The following SEPTIN6 variants were observed in gnomAD, a reference collection of about 807,000 sequenced individuals.
SEPTIN6 encodes septin-6.
In SEPTIN6, 8 loss-of-function variants were observed where a neutral mutation model predicts 33.6. The observed-to-expected ratio is 0.24, with a 90% confidence interval of 0.14 to 0.43. SEPTIN6 has a LOEUF of 0.43. Ranked by LOEUF, SEPTIN6 falls within the 20% of genes least tolerant of loss-of-function variation. SEPTIN6 has a pLI of 1.00. For synonymous variants in SEPTIN6, 131 were observed against 140.0 expected, an observed-to-expected ratio of 0.94 and a Z score of 0.45; for missense variants, 250 against 340.8, an observed-to-expected ratio of 0.73 and a Z score of 2.10.
intron 1 of SEPTIN6, among the ~76,000 whole-genome samples, chrX:119,685,347 C>T (rs1361939452): frequency 2.7e-5 from 3 of 110,593 alleles, no homozygotes; most frequent in African/African-American, 6.6e-5. Context: ...ACCTTCCCTA[C>T]GACTCTCTCC....
rs975763579 is a variant in SEPTIN6, at chrX:119,618,055, C to A, written c.*2038G>T. 8.8e-5 allele frequency: 71 copies of A among 804,063 alleles called. No individual in the cohort carries two copies. In the African/African-American group the frequency reaches 1.5e-3, roughly 17 times the overall value. The allele number at this position is 804,063 out of a possible 1,213,427, so 66.3% of individuals were successfully genotyped here. A position where few individuals can be genotyped will look rare whatever the true frequency, so the allele number is the denominator to read the frequency against. ...AGCGTGAATTTCTGGGAAAGCAGCT[C>A]TGAAGCTGGACATAGAATCATCAAA... On this transcript the variant is annotated 3_prime_UTR_variant, in exon 11 of 11. Coordinates refer to ENST00000394610, the MANE Select transcript of SEPTIN6 (RefSeq NM_145799.4).
At chrX:119,642,036 G>A (rs2054165472) in intron 5 of SEPTIN6, among the ~76,000 whole-genome samples, 1 of 110,793 alleles carries the variant, frequency 9.0e-6, no homozygotes, top group African/African-American at 3.3e-5. Context: ...TGGCCCCGGA[G>A]AGTGCACAGT....
intron 3 of SEPTIN6, among the ~76,000 whole-genome samples, chrX:119,660,054 A>G (rs914994577): frequency 4.5e-5 from 5 of 109,932 alleles, no homozygotes; most frequent in African/African-American, 1.7e-4. Context: ...TTGTATTTTT[A>G]GTAGAGACGG....
At chrX:119,661,859 A>G (rs1366402987) in intron 3 of SEPTIN6, among the ~76,000 whole-genome samples, 1 of 111,857 alleles carries the variant, frequency 8.9e-6, no homozygotes, top group Non-Finnish European at 1.9e-5. Flanking sequence ...CGCCTCAGCC[A>G]CCTGACTAGC....
intron 9 of SEPTIN6, among the ~76,000 whole-genome samples, chrX:119,625,777 C>G (rs2053848429): frequency 9.0e-6 from 1 of 111,481 alleles, no homozygotes; most frequent in Non-Finnish European, 1.9e-5. Flanking sequence ...ATCTCAAACT[C>G]CTGGACTCAA....
intron 1 of SEPTIN6, among the ~76,000 whole-genome samples, chrX:119,678,082 T>C (rs1391346523): frequency 9.4e-6 from 1 of 106,830 alleles, no homozygotes; most frequent in African/African-American, 3.5e-5. Flanking sequence ...ACAAGAAAAA[T>C]ACAAAAATGA....
intron 3 of SEPTIN6, among the ~76,000 whole-genome samples, chrX:119,657,982 C>A (rs934734570): frequency 3.6e-5 from 4 of 110,929 alleles, no homozygotes; most frequent in African/African-American, 1.3e-4. Flanking sequence ...AAAAAATTAG[C>A]CGGGCGTGGT....
intron 2 of SEPTIN6, among the ~76,000 whole-genome samples, chrX:119,668,338 G>T (rs60429652): frequency 9.1e-6 from 1 of 109,684 alleles, no homozygotes; most frequent in African/African-American, 3.4e-5. Context: ...GAGAGACAGA[G>T]AGAGAGACAG....
chrX:119,638,002 G>GT (rs2147491343), intron 6 of SEPTIN6, among the ~76,000 whole-genome samples: 1 of 112,043 alleles, frequency 8.9e-6, no homozygotes, highest in East Asian at 2.8e-4. Context: ...TGTTTGCAAA[G>GT]TGTCAATGAG....
Position 119,688,570 on chromosome X carries a change from G to A in SEPTIN6, c.30+4506C>T, listed in dbSNP as rs192328815. ...AAAAATACAAAAATTAGCTGGGCAC[G>A]GTGGTGCACACCTGTAATCCCAGCT... On this transcript the variant is annotated intron_variant, in intron 1 of 10. Transcript: ENST00000394610. Among the ~76,000 whole-genome samples the A allele has an allele frequency of 3.6e-3, 393 of 109,701 alleles. 2 individuals carry two copies. The highest frequency in any genetic ancestry group is 9.9e-3 in the African/African-American group (298 of 30,115).
At chrX:119,637,925 G>A (rs766914549) in intron 6 of SEPTIN6, among the ~76,000 whole-genome samples, 109 of 112,403 alleles carry the variant, frequency 9.7e-4, no homozygotes, top group South Asian at 5.1e-3. Flanking sequence ...AGACTTCACC[G>A]AAGAGAAAAT....
At chrX:119,663,867 T>G (rs1454412025) in intron 2 of SEPTIN6, among the ~76,000 whole-genome samples, 190 bp from the exon 3 acceptor site, 1 of 112,065 alleles carries the variant, frequency 8.9e-6, no homozygotes, top group African/African-American at 3.2e-5. Context: ...TACAGACGGA[T>G]CAGTAGTAGT....
chrX:119,690,902 A>G (rs2055161399), intron 1 of SEPTIN6, among the ~76,000 whole-genome samples: 1 of 110,082 alleles, frequency 9.1e-6, no homozygotes, highest in Non-Finnish European at 1.9e-5. Flanking sequence ...TATTGCAGAC[A>G]CAAAGGAGAA....
rs2147424622 is a variant in SEPTIN6, at chrX:119,618,929, G to A, written c.*1164C>T. 9.7e-7 allele frequency: 1 copy of A among 1,034,828 alleles called. No homozygotes were observed. Among genetic ancestry groups the A allele is most frequent in the East Asian group, 3.7e-5 (1 of 27,186 alleles). The allele number at this position is 1,034,828 out of a possible 1,213,427, so 85.3% of individuals were successfully genotyped here. A position where few individuals can be genotyped will look rare whatever the true frequency, so the allele number is the denominator to read the frequency against. Reference sequence around the variant, plus strand: ...AGGGAGGGCTCTCTACTTCACAGAGGTTCCCAAAGCCACTATCAGATGGGA... The same window carrying A: ...AGGGAGGGCTCTCTACTTCACAGAGATTCCCAAAGCCACTATCAGATGGGA... On this transcript the variant is annotated 3_prime_UTR_variant, in exon 11 of 11. Transcript: ENST00000394610.
chrX:119,627,492 C>T (rs773025855), intron 9 of SEPTIN6, among the ~76,000 whole-genome samples: 7 of 110,955 alleles, frequency 6.3e-5, no homozygotes, highest in Non-Finnish European at 7.5e-5. Flanking sequence ...GGATGGGGCA[C>T]ATGCAGCATA....
intron 2 of SEPTIN6, among the ~76,000 whole-genome samples, chrX:119,673,841 C>CAAAAAAA (rs774954935): frequency 2.1e-4 from 8 of 38,171 alleles, no homozygotes; most frequent in Non-Finnish European, 3.7e-4. Flanking sequence ...GACTCTGTCT[C>CAAAAAAA]AAAAAAAAAA....
intron 1 of SEPTIN6, among the ~76,000 whole-genome samples, chrX:119,679,985 T>C (rs1042494089): frequency 1.8e-5 from 2 of 111,242 alleles, no homozygotes; most frequent in East Asian, 5.6e-4. Context: ...TGGAGACACA[T>C]AGGAAAGCCA....
chrX:119,616,535 T>C (rs964929792), downstream of SEPTIN6: 1 of 544,138 alleles, frequency 1.8e-6, no homozygotes, highest in Non-Finnish European at 3.3e-6. Flanking sequence ...TAAAATACCA[T>C]GTGAGTCAGG....
intron 8 of SEPTIN6, among the ~76,000 whole-genome samples, chrX:119,632,919 T>C (rs2053992246): frequency 8.9e-6 from 1 of 112,822 alleles, no homozygotes; most frequent in South Asian, 3.6e-4. Context: ...TGAGCCACAG[T>C]GTCCGGCCCA....
Sources: allele counts gnomAD v4.1 joint callset (sites outside exome capture counted in the v4.1 genomes callset), GRCh38; gene constraint gnomAD v4.1.1; transcripts MANE v1.5; gene names NCBI Gene and HGNC (gene_info 2026-07-23, HGNC 2026-07-21).